Variants in GLDC observed in about 807,000 individuals in gnomAD.
The protein encoded by GLDC is glycine dehydrogenase (decarboxylating), mitochondrial.
In GLDC, 104 loss-of-function variants were observed where a neutral mutation model predicts 121.3. The observed-to-expected ratio is 0.86, with a 90% CI of 0.73 to 1.01. The LOEUF (loss-of-function observed/expected upper bound fraction) is 1.01, where lower values mean the gene tolerates loss of function less well. Ranked by LOEUF, GLDC falls within the 50% of genes least tolerant of loss-of-function variation. The pLI is 0.00. For synonymous variants in GLDC, 546 were observed against 480.6 expected (o/e 1.14, Z -1.78); for missense variants, 1,429 against 1,306.6 (o/e 1.09, Z -1.44).
chr9:6,608,300 T>C (rs1818777837), intron 4 of GLDC, among the ~76,000 whole-genome samples: 1 of 145,782 alleles, frequency 6.9e-6, no homozygotes, highest in South Asian at 2.2e-4. Flanking sequence ...CGGGCACCTG[T>C]AGTCCCAGCT....
chr9:6,535,957 G>A (rs558150017), intron 23 of GLDC, 107 bp downstream of exon 23: 569 of 959,584 alleles, frequency 5.9e-4, no homozygotes, highest in Non-Finnish European at 8.6e-4. Flanking sequence ...CTTATTCTAG[G>A]GAAGAGTATC....
At chr9:6,567,491 T>G (rs566839498) in intron 15 of GLDC, 1 of 152,372 alleles carries the variant, frequency 6.6e-6, no homozygotes, top group South Asian at 2.1e-4. Flanking sequence ...GGTCAAATGC[T>G]TCTCAGCCAA....
intron 3 of GLDC, among the ~76,000 whole-genome samples, chr9:6,619,004 A>G (rs10124675): frequency 0.49 from 73,635 of 151,562 alleles, 19,035 homozygotes; most frequent in African/African-American, 0.67. Flanking sequence ...TTACCCAGGC[A>G]CACTGGCAGG....
At chr9:6,562,160 G>T (rs992649461) in intron 16 of GLDC, among the ~76,000 whole-genome samples, 1 of 152,168 alleles carries the variant, frequency 6.6e-6, no homozygotes, top group Non-Finnish European at 1.5e-5. Flanking sequence ...ATTATAAAGT[G>T]TTAAAGGCCA....
At chr9:6,581,577 G>T (rs1194519713) in intron 15 of GLDC, among the ~76,000 whole-genome samples, 1 of 152,208 alleles carries the variant, frequency 6.6e-6, no homozygotes, top group Non-Finnish European at 1.5e-5. Context: ...CAGTGCAAAG[G>T]CCTCCTCTCC....
intron 15 of GLDC, among the ~76,000 whole-genome samples, chr9:6,586,631 G>A (rs1478272953): frequency 5.3e-5 from 8 of 152,164 alleles, no homozygotes. Flanking sequence ...ACTGACAGGT[G>A]TAGTAAGCTA....
intron 21 of GLDC, among the ~76,000 whole-genome samples, chr9:6,545,497 G>C (rs934835229): frequency 2.0e-5 from 3 of 152,192 alleles, no homozygotes; most frequent in South Asian, 4.1e-4. Flanking sequence ...CTCTGGATGA[G>C]TCAGTGAGTG....
rs967392504 is a variant in GLDC, at chr9:6,565,683, C to T, written c.1851-254G>A. On this transcript the variant is annotated intron_variant, in intron 15 of 24. Coordinates refer to ENST00000321612, the MANE Select transcript of GLDC (RefSeq NM_000170.3). The stretch of plus-strand genomic sequence containing the variant: ...ACCCAAAGATGGAGCTTTCTATATC[C>T]TTGCTCAGGACCACGCATTGAAAAT... 9.6e-5 allele frequency: 58 copies of T among 606,736 alleles called. No individual in the cohort carries two copies. The Admixed American group carries it at 1.2e-3, about 13-fold the overall frequency. The allele number at this position is 606,736 out of a possible 1,614,324, so 37.6% of individuals were successfully genotyped here.
intron 15 of GLDC, among the ~76,000 whole-genome samples, chr9:6,571,710 A>G (rs1242018429): frequency 6.6e-6 from 1 of 152,222 alleles, no homozygotes; most frequent in East Asian, 1.9e-4. Context: ...ATGGTGTACA[A>G]TTTAAAACTT....
At chr9:6,545,129 T>A (rs1817360987) in intron 21 of GLDC, among the ~76,000 whole-genome samples, 1 of 152,108 alleles carries the variant, frequency 6.6e-6, no homozygotes, top group Non-Finnish European at 1.5e-5. Context: ...AAGTATCATC[T>A]TACCTGAGGT....
At chr9:6,637,917 C>G (rs1028778757) in intron 2 of GLDC, among the ~76,000 whole-genome samples, 1 of 150,776 alleles carries the variant, frequency 6.6e-6, no homozygotes, top group Non-Finnish European at 1.5e-5. Flanking sequence ...TTGAACTACT[C>G]GGCTCAAGCA....
chr9:6,598,569 G>C (rs528986268), intron 8 of GLDC, among the ~76,000 whole-genome samples: 1 of 152,278 alleles, frequency 6.6e-6, no homozygotes, highest in Non-Finnish European at 1.5e-5. Flanking sequence ...GGGGGTCAAA[G>C]ACCTACAGCA....
At chr9:6,562,884 G>T (rs1817786077) in intron 16 of GLDC, among the ~76,000 whole-genome samples, 1 of 152,152 alleles carries the variant, frequency 6.6e-6, no homozygotes, top group Non-Finnish European at 1.5e-5. Context: ...TGATCCAGAA[G>T]GATGCCAACA....
chr9:6,620,388 T>C, intron 2 of GLDC, 69 bp from the exon 3 acceptor site: 1 of 1,325,374 alleles, frequency 7.5e-7, no homozygotes, highest in Non-Finnish European at 1.1e-6. Context: ...ACAGTTTAAA[T>C]CCCTCATTTT....
intron 21 of GLDC, among the ~76,000 whole-genome samples, chr9:6,550,292 G>C (rs1817484699): frequency 6.6e-6 from 1 of 152,170 alleles, no homozygotes; most frequent in African/African-American, 2.4e-5. Context: ...TAGGAGCCTA[G>C]GAGAAACCTG....
intron 11 of GLDC, 107 bp from the exon 12 acceptor site, chr9:6,589,399 A>G (rs940065458): frequency 8.8e-6 from 5 of 566,930 alleles, no homozygotes; most frequent in Non-Finnish European, 1.6e-5. Context: ...AATGGATCAA[A>G]TATATAATTT....
At chr9:6,617,180 A>G (rs1199443410) in intron 3 of GLDC, among the ~76,000 whole-genome samples, 3 of 152,204 alleles carry the variant, frequency 2.0e-5, no homozygotes, top group African/African-American at 4.8e-5. Context: ...CCACATGTGC[A>G]CAGCCCTCCC....
At chr9:6,641,983 A>G (rs565184438) in intron 2 of GLDC, among the ~76,000 whole-genome samples, 6 of 152,246 alleles carry the variant, frequency 3.9e-5, no homozygotes, top group African/African-American at 1.4e-4. Flanking sequence ...ACATGCACCA[A>G]TTTGCTCTCC....
intron 15 of GLDC, chr9:6,569,038 G>C (rs1359400393): frequency 6.6e-6 from 1 of 152,082 alleles, no homozygotes; most frequent in African/African-American, 2.4e-5. Flanking sequence ...CTGAATAACA[G>C]GTATAAGAGC....
Sources: gnomAD v4.1 joint callset for allele counts (sites outside exome capture counted in the v4.1 genomes callset) on GRCh38, gnomAD v4.1.1 for gene constraint, MANE v1.5 for transcripts, NCBI Gene and HGNC (gene_info 2026-07-23, HGNC 2026-07-21) for gene names.